GFRA1: variants seen among roughly 807,000 people sequenced by gnomAD.
GFRA1 encodes GDNF family receptor alpha 1.
GFRA1 carries 16 observed loss-of-function variants against 51.6 expected under a neutral mutation model. The ratio of observed to expected loss-of-function variants is 0.31; its 90% CI spans 0.21 to 0.47. The LOEUF (loss-of-function observed/expected upper bound fraction) is 0.47, where lower values mean the gene tolerates loss of function less well. Ranked by LOEUF, GFRA1 falls within the 20% of genes least tolerant of loss-of-function variation. GFRA1 has a pLI of 1.00. For missense variants in GFRA1, 530 were observed against 594.3 expected (o/e 0.89, Z 1.13); for synonymous variants, 270 against 241.3 (o/e 1.12, Z -1.10).
intron 4 of GFRA1, among the ~76,000 whole-genome samples, chr10:116,260,890 C>T (rs1178293740): frequency 6.6e-6 from 1 of 151,836 alleles, no homozygotes; most frequent in African/African-American, 2.4e-5. Flanking sequence ...ACAAAAAACT[C>T]TGAATGAAAG....
chr10:116,197,455 G>C (rs1165049568), intron 5 of GFRA1, among the ~76,000 whole-genome samples: 1 of 152,148 alleles, frequency 6.6e-6, no homozygotes, highest in African/African-American at 2.4e-5. Flanking sequence ...TTTTATCGTA[G>C]TTTGGAATGT....
chr10:116,099,749 T>C (rs1356199452), intron 6 of GFRA1, among the ~76,000 whole-genome samples: 1 of 152,142 alleles, frequency 6.6e-6, no homozygotes, highest in African/African-American at 2.4e-5. Flanking sequence ...TAACCCACAA[T>C]CTAGGTGCCA....
intron 5 of GFRA1, among the ~76,000 whole-genome samples, chr10:116,179,703 G>A (rs779256647): frequency 7.2e-5 from 11 of 152,198 alleles, no homozygotes; most frequent in Non-Finnish European, 1.3e-4. Context: ...TTGATAGGAA[G>A]AGAGGGCTTG....
At chr10:116,119,425 T>C (rs1359298680) in intron 6 of GFRA1, among the ~76,000 whole-genome samples, 2 of 152,216 alleles carry the variant, frequency 1.3e-5, no homozygotes, top group Non-Finnish European at 2.9e-5. Flanking sequence ...ACTGCTCAAA[T>C]GAACTGGAAA....
chr10:116,125,464 G>T lies in GFRA1; in HGVS notation c.527C>A (p.Thr176Asn), dbSNP rs1323105417. The T allele has an allele frequency of 1.2e-6, 2 of 1,614,016 alleles. No individual in the cohort carries two copies. The highest frequency in any genetic ancestry group is 2.7e-5 in the African/African-American group (2 of 74,942). The change falls in exon 6 of 11, where the codon ACC becomes AAC. Residue 176 changes from threonine (T) to asparagine (N), a missense_variant. Transcript: ENST00000355422. Reference protein sequence around the residue: ...ICKKYRSAYITPCTTSVSNDV... With the variant: ...ICKKYRSAYINPCTTSVSNDV... ...GTTGGACACGCTGGTGGTGCACGGG[G>T]TGATGTACGCCGACCTGTACTTCTT...
chr10:116,192,553 A>C (rs1396023935), intron 5 of GFRA1, among the ~76,000 whole-genome samples: 1 of 152,182 alleles, frequency 6.6e-6, no homozygotes, highest in Non-Finnish European at 1.5e-5. Flanking sequence ...CTTTGTTTGG[A>C]GGCTGAATCC....
rs1403929257 is a variant in GFRA1 at position 116,057,006 on chromosome 10, T to C, written c.*7392A>G. ...CAAAGGGACTATGTACATTCTGTAG[T>C]GCTTGAGCAATAGGCTAACAGAAAA... On this transcript the variant is annotated 3_prime_UTR_variant, in exon 11 of 11. Transcript: ENST00000355422. 1 of 152,126 alleles carries C rather than the reference T, an allele frequency of 6.6e-6. No individual in the cohort carries two copies. Among genetic ancestry groups the C allele is most frequent in the Non-Finnish European group, 1.5e-5 (1 of 68,044 alleles). 9.4% of individuals were successfully genotyped at this position (152,126 alleles called of 1,614,324 possible).
chr10:116,183,858 A>T (rs1962460579), intron 5 of GFRA1, among the ~76,000 whole-genome samples: 1 of 152,162 alleles, frequency 6.6e-6, no homozygotes, highest in South Asian at 2.1e-4. Context: ...CCCTCTCATT[A>T]TCCCCAGGGA....
chr10:116,192,107 G>A (rs1288722276), intron 5 of GFRA1, among the ~76,000 whole-genome samples: 1 of 152,180 alleles, frequency 6.6e-6, no homozygotes, highest in African/African-American at 2.4e-5. Context: ...TTTCGTCCTT[G>A]TCTGTGACTT....
intron 5 of GFRA1, among the ~76,000 whole-genome samples, chr10:116,152,481 C>A (rs1324888510): frequency 6.6e-6 from 1 of 152,096 alleles, no homozygotes; most frequent in African/African-American, 2.4e-5. Context: ...GGGCAAGAGG[C>A]CCAGCAGAGG....
intron 4 of GFRA1, among the ~76,000 whole-genome samples, chr10:116,260,973 A>G (rs920694328): frequency 1.3e-5 from 2 of 152,212 alleles, no homozygotes; most frequent in Non-Finnish European, 2.9e-5. Flanking sequence ...ACAACCCTGA[A>G]GGGTGCCAAG....
chr10:116,173,281 G>A (rs188476486), intron 5 of GFRA1, among the ~76,000 whole-genome samples: 5 of 152,166 alleles, frequency 3.3e-5, no homozygotes, highest in African/African-American at 1.2e-4. Flanking sequence ...TGGTGGCTGA[G>A]CTCATGCTGT....
At chr10:116,204,454 G>A (rs1964573254) in intron 5 of GFRA1, among the ~76,000 whole-genome samples, 1 of 152,284 alleles carries the variant, frequency 6.6e-6, no homozygotes, top group South Asian at 2.1e-4. Context: ...CCCAGATCTT[G>A]GTTTCTTGTA....
At chr10:116,218,395 A>G (rs1226480832) in intron 4 of GFRA1, among the ~76,000 whole-genome samples, 3 of 152,178 alleles carry the variant, frequency 2.0e-5, no homozygotes, top group African/African-American at 4.8e-5. Context: ...TCTGTTCTCT[A>G]TAGCGGGGTT....
At chr10:116,074,719 G>T (rs975288324) in intron 9 of GFRA1, among the ~76,000 whole-genome samples, 2 of 152,084 alleles carry the variant, frequency 1.3e-5, no homozygotes, top group African/African-American at 4.8e-5. Flanking sequence ...CATTTTCTTG[G>T]GTTTGAAATA....
chr10:116,255,061 G>A (rs947262424), intron 4 of GFRA1, among the ~76,000 whole-genome samples: 1 of 152,180 alleles, frequency 6.6e-6, no homozygotes, highest in Non-Finnish European at 1.5e-5. Flanking sequence ...GCTGTGGAAT[G>A]TCAAAAACAA....
chr10:116,198,753 G>A (rs1464340655), intron 5 of GFRA1, among the ~76,000 whole-genome samples: 1 of 152,060 alleles, frequency 6.6e-6, no homozygotes, highest in Non-Finnish European at 1.5e-5. Flanking sequence ...CTCTTTTATT[G>A]TGGGCCACCC....
rs577528586 is a variant in GFRA1 at position 116,242,164 on chromosome 10, T to G, written c.418+27339A>C. Among the ~76,000 whole-genome samples, 5 of 152,276 alleles carry G rather than the reference T, an allele frequency of 3.3e-5. No homozygotes were observed. In the East Asian group the frequency reaches 9.7e-4, roughly 29 times the overall value. ...ACTGCTTCATCTCTCTATTCTTGTT[T>G]AGACACAGTCTGAAACCCTGTGCGT... On this transcript the variant is annotated intron_variant, in intron 4 of 10. Coordinates refer to ENST00000355422, the MANE Select transcript of GFRA1 (RefSeq NM_005264.8).
chr10:116,156,833 T>C, intron 5 of GFRA1, among the ~76,000 whole-genome samples: 1 of 152,356 alleles, frequency 6.6e-6, no homozygotes, highest in South Asian at 2.1e-4. Context: ...GTTCTTTAAT[T>C]TTAGCTGTAC....
Sources: allele counts gnomAD v4.1 joint callset (sites outside exome capture counted in the v4.1 genomes callset), GRCh38; gene constraint gnomAD v4.1.1; transcripts MANE v1.5; gene names NCBI Gene and HGNC (gene_info 2026-07-23, HGNC 2026-07-21).